The following DTNBP1 variants were observed in gnomAD, a reference collection of about 807,000 sequenced individuals.
DTNBP1 encodes dysbindin.
In DTNBP1, 35 loss-of-function variants were observed where a neutral mutation model predicts 42.8. The observed-to-expected ratio is 0.82, with a 90% CI of 0.63 to 1.09. The LOEUF (loss-of-function observed/expected upper bound fraction) is 1.09. Among genes scored for constraint, DTNBP1 ranks in the 50% least tolerant of loss-of-function variants. The pLI, the probability that DTNBP1 is intolerant of heterozygous loss-of-function variation, is 0.00. For synonymous variants in DTNBP1, 171 were observed against 162.2 expected, an observed-to-expected ratio of 1.05 and a Z score of -0.41; for missense variants, 457 against 424.2, an observed-to-expected ratio of 1.08 and a Z score of -0.68.
Position 15,523,067 on chromosome 6 carries a change from C to G in DTNBP1, c.964G>C (p.Asp322His). The G allele has an allele frequency of 6.2e-7, 1 of 1,614,190 alleles. No individual in the cohort carries two copies. Among genetic ancestry groups the G allele is most frequent in the Non-Finnish European group, 8.5e-7 (1 of 1,180,028 alleles). The change falls in exon 10 of 10, where the codon GAT becomes CAT. Residue 322 changes from aspartate to histidine, a missense_variant. Transcript: ENST00000344537. ...GTGTCCACCTGAACTTCCTCCTCATCGGACTGAACAACGGGGGACTCCCCA... is the reference window on the plus strand; with the variant it reads ...GTGTCCACCTGAACTTCCTCCTCATGGGACTGAACAACGGGGGACTCCCCA... ...EGGESPVVQS[D>H]EEEVQVDTAL... is the part of the protein sequence containing the mutation.
intron 9 of DTNBP1, chr6:15,524,147 CACGAAGAGGGA>C: frequency 7.1e-7 from 1 of 1,400,090 alleles, no homozygotes; most frequent in Non-Finnish European, 9.4e-7. Flanking sequence ...ATGCCTGTCG[CACGAAGAGGGA>C]AGAGTTTCCC....
chr6:15,624,207 A>G (rs1759211062), intron 5 of DTNBP1, among the ~76,000 whole-genome samples: 1 of 152,256 alleles, frequency 6.6e-6, no homozygotes, highest in South Asian at 2.1e-4. Context: ...TTTTGCAGAC[A>G]AGAAAACTAA....
At chr6:15,605,071 G>A (rs1416324488) in intron 6 of DTNBP1, among the ~76,000 whole-genome samples, 1 of 152,144 alleles carries the variant, frequency 6.6e-6, no homozygotes, top group Non-Finnish European at 1.5e-5. Flanking sequence ...TCTTCAAGAT[G>A]TTACTATTTT....
chr6:15,615,522 T>C (rs1758668487), intron 5 of DTNBP1, 123 bp from the exon 6 acceptor site: 4 of 1,323,848 alleles, frequency 3.0e-6, no homozygotes, highest in Middle Eastern at 2.2e-4. Context: ...TAATGTTTTT[T>C]ATTAAACTTT....
intron 5 of DTNBP1, among the ~76,000 whole-genome samples, chr6:15,616,405 G>A (rs115482092): frequency 0.012 from 1,887 of 152,336 alleles, 20 homozygotes; most frequent in South Asian, 0.022. Flanking sequence ...GCTTACAGGA[G>A]AGGGGAGGTA....
intron 7 of DTNBP1, among the ~76,000 whole-genome samples, chr6:15,567,532 A>G (rs1775148228): frequency 6.6e-6 from 1 of 152,116 alleles, no homozygotes; most frequent in African/African-American, 2.4e-5. Flanking sequence ...TAACCCAGAT[A>G]CTCCTTTAGA....
At chr6:15,613,436 G>A (rs1246190282) in intron 6 of DTNBP1, among the ~76,000 whole-genome samples, 3 of 126,914 alleles carry the variant, frequency 2.4e-5, no homozygotes, top group East Asian at 5.2e-4. Context: ...GCGCGATCTC[G>A]GCTCACTGCA....
intron 4 of DTNBP1, among the ~76,000 whole-genome samples, chr6:15,636,471 T>C (rs2113765639): frequency 6.6e-6 from 1 of 152,212 alleles, no homozygotes; most frequent in African/African-American, 2.4e-5. Context: ...TTTCTTAACT[T>C]AGAGGTTCTT....
intron 1 of DTNBP1, among the ~76,000 whole-genome samples, chr6:15,661,450 G>C (rs1407531659): frequency 3.3e-5 from 5 of 152,176 alleles, no homozygotes; most frequent in Non-Finnish European, 7.3e-5. Context: ...ACAAGGTCAG[G>C]AGTTCGAGAC....
chr6:15,565,438 A>G (rs1260138356), intron 7 of DTNBP1, among the ~76,000 whole-genome samples: 2 of 152,242 alleles, frequency 1.3e-5, no homozygotes, highest in Admixed American at 1.3e-4. Context: ...CCAAATGTCC[A>G]TTAACTGGGG....
intron 5 of DTNBP1, among the ~76,000 whole-genome samples, chr6:15,618,076 T>G (rs1758818198): frequency 6.6e-6 from 1 of 152,052 alleles, no homozygotes; most frequent in African/African-American, 2.4e-5. Context: ...CAGAGGAACC[T>G]CCATACTATT....
At chr6:15,534,058 T>A (rs956779242) in intron 7 of DTNBP1, among the ~76,000 whole-genome samples, 2 of 152,148 alleles carry the variant, frequency 1.3e-5, no homozygotes, top group Non-Finnish European at 2.9e-5. Flanking sequence ...AAAAGGCAAA[T>A]GCTGTGTGCT....
chr6:15,530,291 C>G (rs998243204), intron 8 of DTNBP1, among the ~76,000 whole-genome samples: 3 of 152,112 alleles, frequency 2.0e-5, no homozygotes, highest in Admixed American at 6.5e-5. Flanking sequence ...ATGAGATGCC[C>G]GATTCCCGTG....
Position 15,627,461 on chromosome 6 carries a change from C to A in DTNBP1, c.237G>T (p.Glu79Asp), listed in dbSNP as rs768475925. 10 of 1,613,950 alleles carry A rather than the reference C, an allele frequency of 6.2e-6. No homozygotes were observed. In the Middle Eastern group the frequency reaches 5.0e-4, roughly 80 times the overall value. Residue 79 changes from glutamate to aspartate, a missense_variant, in exon 5 of 10, where the codon GAG (glutamate) becomes GAT (aspartate). Glu to Asp is a conservative substitution (Grantham distance 45, BLOSUM62 2). Transcript: ENST00000344537. The part of the protein sequence containing the change: ...CASAGELVDS[E>D]VVMLSAHWEK... The stretch of plus-strand genomic sequence containing the variant: ...CCCAGTGCGCAGAAAGCATGACCAC[C>A]TCGCTATCCACCAGCTGCAGCACAC...
rs537477283 is a variant in DTNBP1, at chr6:15,636,048, A to T, written c.222+1696T>A. 2.0e-5 allele frequency among the ~76,000 whole-genome samples: 3 copies of T among 151,930 alleles called. No individual in the cohort carries two copies. In the East Asian group the frequency reaches 5.8e-4, roughly 29 times the overall value. On this transcript the variant is annotated intron_variant, in intron 4 of 9. Transcript: ENST00000344537. Reference sequence around the variant, plus strand: ...GATTGCTAACATTTTGAGGACAGGGAGCCTGATTTAATCTGTGGAAATCTG... The same window carrying T: ...GATTGCTAACATTTTGAGGACAGGGTGCCTGATTTAATCTGTGGAAATCTG...
At chr6:15,538,165 C>T (rs1773353075) in intron 7 of DTNBP1, among the ~76,000 whole-genome samples, 1 of 152,144 alleles carries the variant, frequency 6.6e-6, no homozygotes, top group African/African-American at 2.4e-5. Context: ...AAAGGGGGAA[C>T]ATCTGGGTGA....
At chr6:15,572,828 C>T (rs1581342211) in intron 7 of DTNBP1, among the ~76,000 whole-genome samples, 1 of 152,148 alleles carries the variant, frequency 6.6e-6, no homozygotes, top group Non-Finnish European at 1.5e-5. Flanking sequence ...ACCTCCCTGA[C>T]GTAAGTGATC....
At position 15,566,514 on chromosome 6, in the gene DTNBP1, A is replaced by G. The variant is rs115295381; in HGVS notation, c.511+26545T>C. 3.9e-3 allele frequency among the ~76,000 whole-genome samples: 587 copies of G among 152,162 alleles called. 1 individual carries two copies. The highest frequency in any genetic ancestry group is 6.2e-3 in the Non-Finnish European group (419 of 68,002). On this transcript the variant is annotated intron_variant, in intron 7 of 9. Transcript: ENST00000344537. ...GCACTAACTTTAAAACACAGATCCTAAGACAGACAGAACAAACTCTTTGCA... is the reference window on the plus strand; with the variant it reads ...GCACTAACTTTAAAACACAGATCCTGAGACAGACAGAACAAACTCTTTGCA...
intron 8 of DTNBP1, among the ~76,000 whole-genome samples, chr6:15,532,117 C>T (rs960085458): frequency 1.3e-5 from 2 of 151,704 alleles, no homozygotes; most frequent in Non-Finnish European, 2.9e-5. Flanking sequence ...GATGATGAGA[C>T]GTTCAGGAGA....
Sources: gnomAD v4.1 joint callset for allele counts (sites outside exome capture counted in the v4.1 genomes callset) on GRCh38, gnomAD v4.1.1 for gene constraint, MANE v1.5 for transcripts, NCBI Gene and HGNC (gene_info 2026-07-23, HGNC 2026-07-21) for gene names.